TCF4: variants seen among roughly 807,000 people sequenced by gnomAD.
The protein encoded by TCF4 is transcription factor 4, also known as SL3-3 enhancer factor 2.
Under a neutral mutation model 82.1 loss-of-function variants are expected in TCF4, and 3 were observed. That is an observed-to-expected ratio of 0.04 (90% CI 0.02 to 0.09). The LOEUF (loss-of-function observed/expected upper bound fraction) is 0.09. Ranked by LOEUF, TCF4 falls within the 10% of genes least tolerant of loss-of-function variation. The pLI, the probability that TCF4 is intolerant of heterozygous loss-of-function variation, is 1.00. For missense variants in TCF4, 518 were observed against 852.7 expected (o/e 0.61, Z 4.89); for synonymous variants, 276 against 309.6 (o/e 0.89, Z 1.14).
intron 15 of TCF4, among the ~76,000 whole-genome samples, chr18:55,245,872 G>A (rs565637346): frequency 1.3e-5 from 2 of 151,246 alleles, no homozygotes; most frequent in Admixed American, 1.3e-4. Context: ...TAAAAGGCCT[G>A]TAAGATCAGA....
At chr18:55,586,840 CAA>C (rs34071688) in intron 2 of TCF4, 9,012 of 395,600 alleles carry the variant, frequency 0.023, no homozygotes, top group Admixed American at 0.031. Context: ...TAATAAAACT[CAA>C]AAAAAAAAAA....
chr18:55,240,814 T>C (rs1342413655), intron 15 of TCF4, among the ~76,000 whole-genome samples: 1 of 152,252 alleles, frequency 6.6e-6, no homozygotes, highest in Non-Finnish European at 1.5e-5. Flanking sequence ...TAAGAGACTT[T>C]TCATTAACAT....
chr18:55,464,474 A>G (rs1169602076), intron 3 of TCF4, among the ~76,000 whole-genome samples: 1 of 152,240 alleles, frequency 6.6e-6, no homozygotes, highest in Non-Finnish European at 1.5e-5. Context: ...AAAATGCACT[A>G]ACATAACTTT....
intron 5 of TCF4, among the ~76,000 whole-genome samples, chr18:55,419,640 T>C (rs1212924321): frequency 1.3e-5 from 2 of 152,186 alleles, no homozygotes; most frequent in Non-Finnish European, 2.9e-5. Flanking sequence ...CAAATGCTTT[T>C]AAAATGTTTA....
At chr18:55,590,081 C>G (rs981309478), upstream of TCF4, among the ~76,000 whole-genome samples, 1 of 152,230 alleles carries the variant, frequency 6.6e-6, no homozygotes, top group African/African-American at 2.4e-5. Flanking sequence ...CTTGGCCGTC[C>G]TTGCTCTTTG....
At chr18:55,326,672 A>C (rs1440142008) in intron 8 of TCF4, among the ~76,000 whole-genome samples, 1 of 152,152 alleles carries the variant, frequency 6.6e-6, no homozygotes, top group Non-Finnish European at 1.5e-5. Context: ...AAATGTTGCC[A>C]AGCCAAGGAA....
At position 55,604,355 on chromosome 18, in the gene TCF4, G is replaced by A. The variant is rs2097700264; in HGVS notation, c.287-17219C>T. ...TAGGAAGTTTTTGGTTTGGGTTGGG[G>A]CAAGTTTCCTTCCTTTCCTTGTCTT... On this transcript the variant is annotated intron_variant, in intron 2 of 20. Transcript: ENST00000398339. 2.0e-5 allele frequency among the ~76,000 whole-genome samples: 3 copies of A among 152,176 alleles called. No homozygotes were observed. In the South Asian group the frequency reaches 6.2e-4, roughly 32 times the overall value.
chr18:55,448,102 A>C (rs2095558000), intron 5 of TCF4, among the ~76,000 whole-genome samples: 1 of 152,136 alleles, frequency 6.6e-6, no homozygotes, highest in South Asian at 2.1e-4. Context: ...CCTACAGTCA[A>C]ACCCATACAA....
In TCF4 at chr18:55,345,246, TA is replaced by T. The variant is rs554328906; in HGVS notation, c.549+5112del. Among the ~76,000 whole-genome samples the T allele has an allele frequency of 8.6e-5, 13 of 151,362 alleles. No homozygotes were observed. The East Asian group carries it at 2.5e-3, about 29-fold the overall frequency. Reference sequence around the variant, plus strand: ...ATATATCAGCAATTCATAAAAATCATAAACTCTATAGTCTCAATGTGTAATA... The same window carrying T: ...ATATATCAGCAATTCATAAAAATCATAACTCTATAGTCTCAATGTGTAATA... On this transcript the variant is annotated intron_variant, in intron 8 of 19. Coordinates refer to ENST00000354452, the MANE Select transcript of TCF4 (RefSeq NM_001083962.2).
At chr18:55,410,481 G>A (rs758639305) in intron 5 of TCF4, among the ~76,000 whole-genome samples, 1 of 151,840 alleles carries the variant, frequency 6.6e-6, no homozygotes, top group Non-Finnish European at 1.5e-5. Flanking sequence ...GCACTATCTC[G>A]CATGCAAATT....
chr18:55,466,034 C>T (rs2096009489), intron 3 of TCF4, among the ~76,000 whole-genome samples: 2 of 152,206 alleles, frequency 1.3e-5, no homozygotes, highest in African/African-American at 2.4e-5. Context: ...AAAGAGGACG[C>T]TACTGCCAGG....
At chr18:55,399,482 T>C (rs1428938538) in intron 6 of TCF4, among the ~76,000 whole-genome samples, 1 of 152,204 alleles carries the variant, frequency 6.6e-6, no homozygotes, top group Non-Finnish European at 1.5e-5. Flanking sequence ...GTTAAAGCCT[T>C]GGACTTCACT....
chr18:55,380,472 T>C (rs1352250764), intron 6 of TCF4, among the ~76,000 whole-genome samples: 3 of 151,956 alleles, frequency 2.0e-5, no homozygotes, highest in Non-Finnish European at 2.9e-5. Context: ...ATAAGGACAT[T>C]AATTCCTTCA....
chr18:55,491,620 TTA>T (rs2145821092), intron 3 of TCF4, among the ~76,000 whole-genome samples: 1 of 152,288 alleles, frequency 6.6e-6, no homozygotes, highest in South Asian at 2.1e-4. Context: ...GGATCAAGTG[TTA>T]TGTTTTCACA....
chr18:55,585,598 T>C, intron 2 of TCF4: 2 of 604,564 alleles, frequency 3.3e-6, no homozygotes, highest in Non-Finnish European at 5.4e-6. Context: ...GTACTACTGC[T>C]ACATTTGGAA....
At chr18:55,597,682 A>G (rs2097692533) in intron 2 of TCF4, among the ~76,000 whole-genome samples, 1 of 152,104 alleles carries the variant, frequency 6.6e-6, no homozygotes, top group African/African-American at 2.4e-5. Context: ...AAAAAAGGTA[A>G]AAGTTTAAAA....
At chr18:55,275,814 GT>G in intron 9 of TCF4, 62 bp from the exon 10 acceptor site, 3 of 1,606,230 alleles carry the variant, frequency 1.9e-6, no homozygotes, top group African/African-American at 1.3e-5. Context: ...ATAGAATAGG[GT>G]TTTTTCATAT....
chr18:55,582,318 T>C (rs924451907), intron 3 of TCF4, among the ~76,000 whole-genome samples: 7 of 152,164 alleles, frequency 4.6e-5, no homozygotes, highest in Non-Finnish European at 4.4e-5. Context: ...AATCCCTTTG[T>C]TTAAGTTACC....
intron 8 of TCF4, among the ~76,000 whole-genome samples, chr18:55,302,896 T>C (rs1291738705): frequency 6.6e-6 from 1 of 152,148 alleles, no homozygotes; most frequent in African/African-American, 2.4e-5. Flanking sequence ...TGTTTTCAGT[T>C]TGGGGCAATG....
Sources: gnomAD v4.1 joint callset for allele counts (sites outside exome capture counted in the v4.1 genomes callset) on GRCh38, gnomAD v4.1.1 for gene constraint, MANE v1.5 for transcripts, NCBI Gene and HGNC (gene_info 2026-07-23, HGNC 2026-07-21) for gene names.